Variants in SHROOM3 observed in about 807,000 individuals in gnomAD.
SHROOM3 encodes the protein shroom family member 3.
A neutral mutation model predicts 138.6 loss-of-function variants in SHROOM3; 47 were observed. That is an observed-to-expected ratio of 0.34 (90% CI 0.27 to 0.43). The LOEUF (loss-of-function observed/expected upper bound fraction) is 0.43. Ranked by LOEUF, SHROOM3 falls within the 20% of genes least tolerant of loss-of-function variation. The pLI is 1.00. For synonymous variants in SHROOM3, 1,062 were observed against 1,063.3 expected, an observed-to-expected ratio of 1.00 and a Z score of 0.02; for missense variants, 2,491 against 2,596.5, an observed-to-expected ratio of 0.96 and a Z score of 0.88.
chr4:76,730,939 A>C lies in SHROOM3; in HGVS notation c.587+4A>C, dbSNP rs934726748. The C allele has an allele frequency of 1.2e-5, 20 of 1,614,076 alleles. No homozygotes were observed. The highest frequency in any genetic ancestry group is 1.7e-5 in the Non-Finnish European group (20 of 1,179,964). ...GGCACCAAAGCTACCATTCCAGGTAAGTGGCTATAGCTGAGACTGAAGGGT... is the reference window on the plus strand; with the variant it reads ...GGCACCAAAGCTACCATTCCAGGTACGTGGCTATAGCTGAGACTGAAGGGT... On this transcript the variant is annotated splice_donor_region_variant and intron_variant, in intron 4 of 10. Transcript: ENST00000296043.
chr4:76,463,438 A>C (rs1219529188), intron 1 of SHROOM3, among the ~76,000 whole-genome samples: 4 of 152,242 alleles, frequency 2.6e-5, no homozygotes, highest in Non-Finnish European at 5.9e-5. Context: ...TTAAAATGGA[A>C]ACAGAGCATA....
chr4:76,524,690 A>G (rs1732653407), intron 1 of SHROOM3, among the ~76,000 whole-genome samples: 1 of 152,190 alleles, frequency 6.6e-6, no homozygotes, highest in African/African-American at 2.4e-5. Context: ...ACAGGTTTCC[A>G]TGAATGCCAC....
At chr4:76,766,575 A>G (rs1722162947) in intron 9 of SHROOM3, among the ~76,000 whole-genome samples, 1 of 152,224 alleles carries the variant, frequency 6.6e-6, no homozygotes, top group African/African-American at 2.4e-5. Context: ...CTGAGAGACT[A>G]GTGTGTTATT....
chr4:76,754,238 T>C (rs757984478), intron 6 of SHROOM3, 73 bp from the exon 7 acceptor site: 15 of 1,579,432 alleles, frequency 9.5e-6, no homozygotes, highest in Admixed American at 1.7e-5. Context: ...TTCTCATCTA[T>C]GTAAGGAGCA....
chr4:76,660,876 C>T (rs1736169657), intron 2 of SHROOM3, among the ~76,000 whole-genome samples: 2 of 152,136 alleles, frequency 1.3e-5, no homozygotes, highest in African/African-American at 4.8e-5. Flanking sequence ...AATCATAGCT[C>T]ACTGCAGCCC....
chr4:76,645,091 A>G (rs1353579733), intron 2 of SHROOM3, among the ~76,000 whole-genome samples: 1 of 152,194 alleles, frequency 6.6e-6, no homozygotes, highest in East Asian at 1.9e-4. Context: ...AAGCCTGTAT[A>G]TTTACACCAC....
intron 6 of SHROOM3, among the ~76,000 whole-genome samples, chr4:76,753,661 G>A (rs955137230): frequency 2.0e-5 from 3 of 152,126 alleles, no homozygotes; most frequent in East Asian, 3.8e-4. Context: ...GGAGTCTAGC[G>A]TACAGTTGTT....
At chr4:76,510,148 A>T (rs1293270596) in intron 1 of SHROOM3, among the ~76,000 whole-genome samples, 2 of 152,222 alleles carry the variant, frequency 1.3e-5, no homozygotes, top group African/African-American at 4.8e-5. Context: ...CTATCATTAA[A>T]ATACTGAGAT....
chr4:76,724,910 C>G (rs769307517), intron 3 of SHROOM3, among the ~76,000 whole-genome samples: 4 of 152,176 alleles, frequency 2.6e-5, no homozygotes, highest in Non-Finnish European at 5.9e-5. Flanking sequence ...AACTGGCCTT[C>G]ATTCAGGTTG....
At chr4:76,668,255 G>A (rs2110096567) in intron 2 of SHROOM3, among the ~76,000 whole-genome samples, 1 of 151,852 alleles carries the variant, frequency 6.6e-6, no homozygotes. Context: ...ATAGTTCTGT[G>A]GTGCAGTTTG....
At chr4:76,602,704 T>C (rs1295575099) in intron 2 of SHROOM3, among the ~76,000 whole-genome samples, 1 of 152,190 alleles carries the variant, frequency 6.6e-6, no homozygotes, top group Non-Finnish European at 1.5e-5. Context: ...CTCCAGATAC[T>C]TCAGTGGAAC....
rs539559023 is a variant in SHROOM3 at position 76,522,427 on chromosome 4, T to C, written c.169-33182T>C. On this transcript the variant is annotated intron_variant, in intron 1 of 10. Coordinates refer to ENST00000296043, the MANE Select transcript of SHROOM3 (RefSeq NM_020859.4). ...GTCATGCCTAAAGCTTACTTTTAAA[T>C]GGTTCTGTTGGCCGGAACAGTGCCT... Among the ~76,000 whole-genome samples the C allele has an allele frequency of 4.6e-5, 7 of 152,096 alleles. No individual in the cohort carries two copies. The East Asian group carries it at 1.4e-3, about 29-fold the overall frequency.
At chr4:76,657,021 C>G (rs1391230708) in intron 2 of SHROOM3, among the ~76,000 whole-genome samples, 1 of 151,948 alleles carries the variant, frequency 6.6e-6, no homozygotes, top group East Asian at 1.9e-4. Context: ...ACTAAAAATA[C>G]AAAAAATTAG....
chr4:76,701,644 T>C (rs969845734), intron 2 of SHROOM3, among the ~76,000 whole-genome samples: 2 of 152,228 alleles, frequency 1.3e-5, no homozygotes, highest in African/African-American at 4.8e-5. Context: ...TCTGTTACTG[T>C]AGGCTAATGA....
At chr4:76,605,950 C>CAT (rs34296741) in intron 2 of SHROOM3, among the ~76,000 whole-genome samples, 11,689 of 136,340 alleles carry the variant, frequency 0.086, 702 homozygotes, top group African/African-American at 0.16. Context: ...TATATATACA[C>CAT]ATATATATAT....
intron 3 of SHROOM3, among the ~76,000 whole-genome samples, chr4:76,718,948 C>T (rs988176947): frequency 1.3e-5 from 2 of 152,154 alleles, no homozygotes; most frequent in African/African-American, 2.4e-5. Flanking sequence ...ATGGGTTTCT[C>T]ATTAAGGAGG....
intron 3 of SHROOM3, chr4:76,716,220 G>A (rs1417275239): frequency 2.1e-6 from 1 of 472,454 alleles, no homozygotes; most frequent in South Asian, 1.6e-5. Flanking sequence ...TCCCACTTGC[G>A]CTGAGCTGGG....
intron 2 of SHROOM3, among the ~76,000 whole-genome samples, chr4:76,583,481 C>T (rs1436103813): frequency 6.6e-6 from 1 of 152,200 alleles, no homozygotes; most frequent in Non-Finnish European, 1.5e-5. Context: ...ACCTTCAGTC[C>T]TCACATCAGA....
rs113928719 is a variant in SHROOM3 at position 76,530,320 on chromosome 4, T to C, written c.169-25289T>C. 2.0e-5 allele frequency among the ~76,000 whole-genome samples: 3 copies of C among 152,218 alleles called. 1 individual carries two copies. Among genetic ancestry groups the C allele is most frequent in the South Asian group, 4.1e-4 (2 of 4,824 alleles). On this transcript the variant is annotated intron_variant, in intron 1 of 10. Coordinates refer to ENST00000296043, the MANE Select transcript of SHROOM3 (RefSeq NM_020859.4). ...TTTAGGGCATGGTTTTGGAACTTCA[T>C]GTTCATTTCTCTTTATCTGTGGGGT...
Sources: allele counts gnomAD v4.1 joint callset (sites outside exome capture counted in the v4.1 genomes callset), GRCh38; gene constraint gnomAD v4.1.1; transcripts MANE v1.5; gene names NCBI Gene and HGNC (gene_info 2026-07-23, HGNC 2026-07-21).